Variants in NXPH1 observed in about 807,000 individuals in gnomAD.
NXPH1 encodes neurexophilin-1.
Under a neutral mutation model 23.7 loss-of-function variants are expected in NXPH1, and 5 were observed. The ratio of observed to expected loss-of-function variants is 0.21; its 90% CI spans 0.11 to 0.44. NXPH1 has a LOEUF of 0.44. NXPH1 is among the 20% of genes least tolerant of loss of function. The pLI is 0.99. For missense variants in NXPH1, 324 were observed against 321.6 expected, an observed-to-expected ratio of 1.01 and a Z score of -0.06; for synonymous variants, 144 against 122.2, an observed-to-expected ratio of 1.18 and a Z score of -1.18.
rs1033512331 is a variant in NXPH1 at position 8,464,045 on chromosome 7, T to G, written c.54+28278T>G. Among the ~76,000 whole-genome samples, 4 of 152,182 alleles carry G rather than the reference T, an allele frequency of 2.6e-5. No individual in the cohort carries two copies. In the South Asian group the frequency reaches 8.3e-4, roughly 32 times the overall value. ...CCTCCTCCTCCTTTTCTTTGTTCTC[T>G]ACCTTAGTGGCTCTTAAGTGCTCCT... On this transcript the variant is annotated intron_variant, in intron 2 of 2. Coordinates refer to ENST00000405863, the MANE Select transcript of NXPH1 (RefSeq NM_152745.3).
At chr7:8,705,774 C>T (rs1261637125) in intron 2 of NXPH1, among the ~76,000 whole-genome samples, 1 of 152,270 alleles carries the variant, frequency 6.6e-6, no homozygotes, top group East Asian at 1.9e-4. Flanking sequence ...GCAAGATCAT[C>T]AGTGTATCTT....
At chr7:8,454,754 C>G (rs1400350597) in intron 2 of NXPH1, among the ~76,000 whole-genome samples, 1 of 152,070 alleles carries the variant, frequency 6.6e-6, no homozygotes, top group Non-Finnish European at 1.5e-5. Context: ...AATCAGTGCT[C>G]AATGGAATCC....
chr7:8,554,014 G>A (rs1387387986), intron 2 of NXPH1, among the ~76,000 whole-genome samples: 1 of 151,554 alleles, frequency 6.6e-6, no homozygotes, highest in Non-Finnish European at 1.5e-5. Flanking sequence ...AAGCTGAAAT[G>A]GTTATGTCAG....
At chr7:8,606,332 C>T (rs761861444) in intron 2 of NXPH1, among the ~76,000 whole-genome samples, 1 of 152,070 alleles carries the variant, frequency 6.6e-6, no homozygotes, top group Non-Finnish European at 1.5e-5. Context: ...CTACGTAACC[C>T]CTAACCACAT....
chr7:8,592,426 T>C (rs989566447), intron 2 of NXPH1, among the ~76,000 whole-genome samples: 9 of 152,198 alleles, frequency 5.9e-5, no homozygotes, highest in African/African-American at 1.9e-4. Context: ...GTAGGGGCTT[T>C]AGCAGCCACT....
chr7:8,489,963 G>T (rs1359237753), intron 2 of NXPH1, among the ~76,000 whole-genome samples: 1 of 152,036 alleles, frequency 6.6e-6, no homozygotes, highest in African/African-American at 2.4e-5. Flanking sequence ...ACTCTATTGA[G>T]CCTATGTCTT....
chr7:8,509,785 C>A (rs999553235), intron 2 of NXPH1, among the ~76,000 whole-genome samples: 2 of 152,074 alleles, frequency 1.3e-5, no homozygotes, highest in South Asian at 2.1e-4. Context: ...CATGTTCCAA[C>A]AAAAGCAAAA....
At chr7:8,664,792 A>T (rs1051367638) in intron 2 of NXPH1, among the ~76,000 whole-genome samples, 1 of 151,912 alleles carries the variant, frequency 6.6e-6, no homozygotes, top group African/African-American at 2.4e-5. Flanking sequence ...AATGTTCAGC[A>T]TTTTTTCATA....
At chr7:8,670,106 G>A (rs760754004) in intron 2 of NXPH1, among the ~76,000 whole-genome samples, 15 of 152,144 alleles carry the variant, frequency 9.9e-5, no homozygotes, top group South Asian at 2.1e-4. Context: ...GTAAACCAAT[G>A]TCATTTTCTG....
rs1159209123 is a variant in NXPH1 at position 8,456,078 on chromosome 7, C to T, written c.54+20311C>T. ...CATTTGATAAGTGGTGAATATGAGG[C>T]ATAGGGTAGTTAATTGTCTTACCTG... On this transcript the variant is annotated intron_variant, in intron 2 of 2. Coordinates refer to ENST00000405863, the MANE Select transcript of NXPH1 (RefSeq NM_152745.3). Among the ~76,000 whole-genome samples the T allele has an allele frequency of 2.6e-5, 4 of 152,116 alleles. No individual in the cohort carries two copies. The South Asian group carries it at 8.3e-4, about 31-fold the overall frequency.
chr7:8,726,080 A>G (rs1222022540), intron 2 of NXPH1, among the ~76,000 whole-genome samples: 1 of 152,124 alleles, frequency 6.6e-6, no homozygotes, highest in Non-Finnish European at 1.5e-5. Flanking sequence ...CAAAGTCATT[A>G]TTTCCTTAGG....
intron 2 of NXPH1, among the ~76,000 whole-genome samples, chr7:8,533,528 T>C (rs746180785): frequency 7.9e-5 from 12 of 152,172 alleles, no homozygotes; most frequent in African/African-American, 1.2e-4. Flanking sequence ...AGGGGAATCA[T>C]GAAGAAAATG....
In NXPH1 at chr7:8,653,631, A is replaced by C. The variant is rs540959743; in HGVS notation, c.55-97377A>C. ...TTTCAAAGAAGGATAGTCTATACCA[A>C]CAAGCTATTCTATATACATAACTTC... is the stretch of plus-strand genomic sequence containing the variant. On this transcript the variant is annotated intron_variant, in intron 2 of 2. Transcript: ENST00000405863. 3.9e-5 allele frequency among the ~76,000 whole-genome samples: 6 copies of C among 152,214 alleles called. No individual in the cohort carries two copies. In the South Asian group the frequency reaches 1.2e-3, roughly 32 times the overall value.
intron 2 of NXPH1, among the ~76,000 whole-genome samples, chr7:8,615,413 A>G (rs2128630371): frequency 6.6e-6 from 1 of 152,156 alleles, no homozygotes; most frequent in African/African-American, 2.4e-5. Flanking sequence ...ATTCGATGGG[A>G]TAATTTAAAT....
At chr7:8,462,208 C>A (rs906837239) in intron 2 of NXPH1, among the ~76,000 whole-genome samples, 1 of 152,072 alleles carries the variant, frequency 6.6e-6, no homozygotes, top group Non-Finnish European at 1.5e-5. Flanking sequence ...GCCACCATGC[C>A]CAGCTAATTT....
At chr7:8,636,406 C>G (rs1337088200) in intron 2 of NXPH1, among the ~76,000 whole-genome samples, 1 of 152,138 alleles carries the variant, frequency 6.6e-6, no homozygotes, top group African/African-American at 2.4e-5. Flanking sequence ...TCCAGTAATG[C>G]CTCTTGTATT....
chr7:8,668,865 CAG>C (rs1820822466), intron 2 of NXPH1, among the ~76,000 whole-genome samples: 1 of 151,676 alleles, frequency 6.6e-6, no homozygotes, highest in Admixed American at 6.6e-5. Context: ...CCCTGGCACT[CAG>C]GGGTCTACTG....
intron 2 of NXPH1, among the ~76,000 whole-genome samples, chr7:8,446,981 C>G (rs79433225): frequency 6.6e-6 from 1 of 151,950 alleles, no homozygotes; most frequent in African/African-American, 2.4e-5. Flanking sequence ...GAAACAGTGC[C>G]GTGACTTATC....
intron 2 of NXPH1, among the ~76,000 whole-genome samples, chr7:8,541,370 T>C (rs1442365598): frequency 6.6e-6 from 1 of 151,618 alleles, no homozygotes; most frequent in African/African-American, 2.4e-5. Flanking sequence ...AATATATATA[T>C]AATTAAGGTC....
Sources: allele counts gnomAD v4.1 joint callset (sites outside exome capture counted in the v4.1 genomes callset), GRCh38; gene constraint gnomAD v4.1.1; transcripts MANE v1.5; gene names NCBI Gene and HGNC (gene_info 2026-07-23, HGNC 2026-07-21).